The following TBC1D22A variants were observed in gnomAD, a reference collection of about 807,000 sequenced individuals.
TBC1D22A encodes the protein putative GTPase activator.
A neutral mutation model predicts 60.2 loss-of-function variants in TBC1D22A; 38 were observed. The observed-to-expected ratio is 0.63, with a 90% confidence interval of 0.49 to 0.83. The LOEUF is 0.83. TBC1D22A is among the 40% of genes least tolerant of loss of function. The pLI, the probability that TBC1D22A is intolerant of heterozygous loss-of-function variation, is 0.00. For synonymous variants in TBC1D22A, 302 were observed against 281.7 expected (o/e 1.07, Z -0.72); for missense variants, 628 against 701.0 (o/e 0.90, Z 1.18).
At chr22:47,152,260 A>G (rs749825306) in intron 12 of TBC1D22A, among the ~76,000 whole-genome samples, 16 of 152,254 alleles carry the variant, frequency 1.1e-4, no homozygotes, top group Non-Finnish European at 1.9e-4. Context: ...GTTCAAAACA[A>G]TGGGTTCAAA....
chr22:46,874,162 A>T (rs1186541714), intron 4 of TBC1D22A, among the ~76,000 whole-genome samples: 1 of 151,888 alleles, frequency 6.6e-6, no homozygotes, highest in Non-Finnish European at 1.5e-5. Context: ...TATGTATCAC[A>T]TTTTCTTTAT....
chr22:46,857,117 A>G (rs905963274), intron 4 of TBC1D22A, among the ~76,000 whole-genome samples: 12 of 152,280 alleles, frequency 7.9e-5, no homozygotes, highest in African/African-American at 2.9e-4. Flanking sequence ...CTTCCCAAGC[A>G]GGTTTGGTTT....
At chr22:47,157,268 G>C (rs1206435451) in intron 12 of TBC1D22A, among the ~76,000 whole-genome samples, 2 of 152,170 alleles carry the variant, frequency 1.3e-5, no homozygotes, top group Admixed American at 1.3e-4. Context: ...AACCACTCCG[G>C]GCATGTGAAG....
At chr22:46,815,574 T>C (rs771713441) in intron 4 of TBC1D22A, among the ~76,000 whole-genome samples, 10 of 152,242 alleles carry the variant, frequency 6.6e-5, no homozygotes, top group Non-Finnish European at 1.0e-4. Context: ...CTCTTTCTAA[T>C]TTATTCACTT....
At chr22:46,838,415 T>G (rs987854977) in intron 4 of TBC1D22A, among the ~76,000 whole-genome samples, 8 of 152,194 alleles carry the variant, frequency 5.3e-5, no homozygotes, top group African/African-American at 1.7e-4. Flanking sequence ...GAATCAGTAA[T>G]CGGATACATC....
chr22:47,017,273 G>A (rs992798441), intron 10 of TBC1D22A, among the ~76,000 whole-genome samples: 1 of 152,198 alleles, frequency 6.6e-6, no homozygotes, highest in Non-Finnish European at 1.5e-5. Flanking sequence ...GGGCGCATGG[G>A]AGGGCTAAGG....
chr22:47,037,302 C>T, intron 11 of TBC1D22A, 104 bp downstream of exon 11: 1 of 1,480,696 alleles, frequency 6.8e-7, no homozygotes, highest in Non-Finnish European at 9.2e-7. Flanking sequence ...TTTTTTCTTC[C>T]AAGCGCTCTC....
intron 12 of TBC1D22A, among the ~76,000 whole-genome samples, chr22:47,170,937 C>T (rs577277505): frequency 2.0e-5 from 3 of 152,232 alleles, no homozygotes; most frequent in Admixed American, 6.5e-5. Flanking sequence ...CTTCCTGATT[C>T]GGAAATGGAG....
chr22:47,143,186 G>A (rs1403457570), intron 12 of TBC1D22A, among the ~76,000 whole-genome samples: 1 of 152,122 alleles, frequency 6.6e-6, no homozygotes, highest in Non-Finnish European at 1.5e-5. Flanking sequence ...CAGGTGGATC[G>A]GTACCCTGGA....
At position 47,009,684 on chromosome 22, in the gene TBC1D22A, A is replaced by G. The variant is rs2061698402; in HGVS notation, c.1201+11975A>G. On this transcript the variant is annotated intron_variant, in intron 10 of 12. Transcript: ENST00000337137. This position sits in a 1 kb window ranked among gnomAD's most constrained non-coding sequence, Gnocchi z 5.8. ...CATCATCATCACTATCACCAGCATC[A>G]TTTCATCACCATCACCACCACCATC... Among the ~76,000 whole-genome samples, 1 of 151,722 alleles carries G rather than the reference A, an allele frequency of 6.6e-6. No homozygotes were observed. Among genetic ancestry groups the G allele is most frequent in the Non-Finnish European group, 1.5e-5 (1 of 67,904 alleles).
At chr22:46,876,533 C>G (rs1318918491) in intron 4 of TBC1D22A, among the ~76,000 whole-genome samples, 1 of 152,222 alleles carries the variant, frequency 6.6e-6, no homozygotes, top group Admixed American at 6.5e-5. Flanking sequence ...TGGCGTCATT[C>G]CTCAGGCTGG....
chr22:46,989,549 G>A (rs1018337772), intron 9 of TBC1D22A, among the ~76,000 whole-genome samples: 1 of 152,114 alleles, frequency 6.6e-6, no homozygotes, highest in Non-Finnish European at 1.5e-5. Context: ...GAAGGCCCGA[G>A]GAGAGGGAGA....
Position 47,028,143 on chromosome 22 carries a change from C to T in TBC1D22A, c.1202-8928C>T, listed in dbSNP as rs1237539676. 6.6e-6 allele frequency among the ~76,000 whole-genome samples: 1 copy of T among 152,126 alleles called. No individual in the cohort carries two copies. The highest frequency in any genetic ancestry group is 1.5e-5 in the Non-Finnish European group (1 of 68,026). Reference sequence around the variant, plus strand: ...CTTGTTGCTTCAGTGCCATGTAGCTCTAGAAGAAGTTGTATTTTAGATTAT... The same window carrying T: ...CTTGTTGCTTCAGTGCCATGTAGCTTTAGAAGAAGTTGTATTTTAGATTAT... On this transcript the variant is annotated intron_variant, in intron 10 of 12. Transcript: ENST00000337137. This position sits in a 1 kb window ranked among gnomAD's most constrained non-coding sequence, Gnocchi z 4.4.
chr22:46,909,295 T>TACACACAC lies in TBC1D22A; in HGVS notation c.901-2768_901-2761dup, dbSNP rs142551402. Among the ~76,000 whole-genome samples the TACACACAC allele has an allele frequency of 3.0e-3, 449 of 150,606 alleles. 5 individuals are homozygous for TACACACAC. The highest frequency in any genetic ancestry group is 0.021 in the South Asian group (101 of 4,750). Reference sequence around the variant, plus strand: ...ACTGCCTAAATTCTTCCTATACACATACACACACACACACACACTCACACA... The same window carrying TACACACAC: ...ACTGCCTAAATTCTTCCTATACACATACACACACACACACACACACACACACTCACACA... On this transcript the variant is annotated intron_variant, in intron 7 of 12. Transcript: ENST00000337137.
At chr22:46,763,719 G>A (rs1454693211) in intron 1 of TBC1D22A, 2 of 152,182 alleles carry the variant, frequency 1.3e-5, no homozygotes, top group Admixed American at 6.5e-5. Flanking sequence ...CAGTAAAATG[G>A]TTTGTACTCC....
In TBC1D22A at chr22:46,913,983, C is replaced by T. The variant is rs376028749; in HGVS notation, c.1015+1795C>T. On this transcript the variant is annotated intron_variant, in intron 8 of 12. Transcript: ENST00000337137. ...CAGAGACACTCTCCTTGCCTTCCTG[C>T]GTCCCCATCCTTCCTGCATCGCCGT... is the stretch of plus-strand genomic sequence containing the variant. The T allele has an allele frequency of 1.9e-4, 30 of 160,400 alleles. No homozygotes were observed. In the South Asian group the frequency reaches 2.0e-3, roughly 11 times the overall value. The allele number at this position is 160,400 out of a possible 1,614,324, so 9.9% of individuals were successfully genotyped here.
intron 9 of TBC1D22A, among the ~76,000 whole-genome samples, chr22:46,981,593 T>G (rs775499014): frequency 6.6e-6 from 1 of 152,174 alleles, no homozygotes; most frequent in African/African-American, 2.4e-5. Flanking sequence ...TCTGACTGTT[T>G]TATAAGGGGC....
At chr22:46,987,634 G>A (rs972659261) in intron 9 of TBC1D22A, among the ~76,000 whole-genome samples, 11 of 152,164 alleles carry the variant, frequency 7.2e-5, no homozygotes, top group East Asian at 1.9e-4. Flanking sequence ...TGTACATACC[G>A]GAATTCAAAA....
intron 7 of TBC1D22A, among the ~76,000 whole-genome samples, chr22:46,907,454 C>T (rs1569205223): frequency 6.6e-6 from 1 of 152,180 alleles, no homozygotes; most frequent in Non-Finnish European, 1.5e-5. Context: ...CAGGCAGGCA[C>T]CCATGGCATT....
Sources: gnomAD v4.1 joint callset for allele counts (sites outside exome capture counted in the v4.1 genomes callset) on GRCh38, gnomAD v4.1.1 for gene constraint, Gnocchi (gnomAD v3.1) non-coding constraint, MANE v1.5 for transcripts, NCBI Gene and HGNC (gene_info 2026-07-23, HGNC 2026-07-21) for gene names.